ETV6: variants seen among roughly 807,000 people sequenced by gnomAD.
ETV6 encodes transcription factor ETV6.
A neutral mutation model predicts 51.1 loss-of-function variants in ETV6; 16 were observed. That is an observed-to-expected ratio of 0.31 (90% CI 0.21 to 0.48). The LOEUF (loss-of-function observed/expected upper bound fraction) is 0.48. Ranked by LOEUF, ETV6 falls within the 20% of genes least tolerant of loss-of-function variation. The pLI, the probability that ETV6 is intolerant of heterozygous loss-of-function variation, is 0.99. For synonymous variants in ETV6, 240 were observed against 224.1 expected, an observed-to-expected ratio of 1.07 and a Z score of -0.64; for missense variants, 458 against 594.8, an observed-to-expected ratio of 0.77 and a Z score of 2.39.
Position 11,650,481 on chromosome 12 carries a change from T to TAAAAAAAAAAAAAAAAAAAAAAAA in ETV6, c.33+335_33+336insAAAAAAAAAAAAAAAAAAAAAAAA, listed in dbSNP as rs367594605. The stretch of plus-strand genomic sequence containing the variant: ...AAAACACCCCCGTAATTAGTGCGCT[T>TAAAAAAAAAAAAAAAAAAAAAAAA]AAAAAAAAAAAAAACAAAAAACAAA... On this transcript the variant is annotated intron_variant, in intron 1 of 7. Coordinates refer to ENST00000396373, the MANE Select transcript of ETV6 (RefSeq NM_001987.5). Among the ~76,000 whole-genome samples, 7 of 43,328 alleles carry TAAAAAAAAAAAAAAAAAAAAAAAA rather than the reference T, an allele frequency of 1.6e-4. 2 individuals carry two copies. The highest frequency in any genetic ancestry group is 3.4e-4 in the Admixed American group (1 of 2,924). 28.4% of individuals were successfully genotyped at this position (43,328 alleles called of 152,430 possible).
chr12:11,706,977 C>T (rs1008718232), intron 1 of ETV6, among the ~76,000 whole-genome samples: 5 of 152,142 alleles, frequency 3.3e-5, no homozygotes, highest in African/African-American at 1.2e-4. Context: ...GGAAGACAAA[C>T]CTGTATTTTG....
chr12:11,784,848 C>T (rs949378305), intron 2 of ETV6, among the ~76,000 whole-genome samples: 1 of 148,400 alleles, frequency 6.7e-6, no homozygotes, highest in African/African-American at 2.6e-5. Flanking sequence ...AAGTGTGCAC[C>T]CCGTGCCTTG....
intron 2 of ETV6, among the ~76,000 whole-genome samples, chr12:11,819,431 T>G (rs1946043769): frequency 6.6e-6 from 1 of 152,232 alleles, no homozygotes; most frequent in South Asian, 2.1e-4. Flanking sequence ...CTCCAGCGGC[T>G]TCAACGATCA....
At chr12:11,663,974 T>A (rs1331364622) in intron 1 of ETV6, among the ~76,000 whole-genome samples, 1 of 152,248 alleles carries the variant, frequency 6.6e-6, no homozygotes, top group Non-Finnish European at 1.5e-5. Flanking sequence ...TTGATAACAC[T>A]CTTAAGTATT....
chr12:11,701,286 C>T (rs1217222878), intron 1 of ETV6, among the ~76,000 whole-genome samples: 1 of 152,110 alleles, frequency 6.6e-6, no homozygotes, highest in African/African-American at 2.4e-5. Context: ...GCTGGCATGC[C>T]CTTCTCCCCT....
At chr12:11,750,767 AT>A in intron 1 of ETV6, 3 of 437,166 alleles carry the variant, frequency 6.9e-6, no homozygotes, top group Non-Finnish European at 1.3e-5. Context: ...CTCTGAACAG[AT>A]TTTATGTTTC....
intron 5 of ETV6, among the ~76,000 whole-genome samples, chr12:11,872,362 T>C (rs1262839157): frequency 6.6e-6 from 1 of 152,196 alleles, no homozygotes; most frequent in Non-Finnish European, 1.5e-5. Context: ...TGACACTGCC[T>C]TCACCACTTC....
At chr12:11,857,692 G>A (rs530676512) in intron 4 of ETV6, among the ~76,000 whole-genome samples, 19 of 152,268 alleles carry the variant, frequency 1.2e-4, no homozygotes, top group African/African-American at 4.6e-4. Context: ...ACTGGGGTGA[G>A]TGTGTGTGAG....
At chr12:11,653,374 C>T (rs1348074047) in intron 1 of ETV6, among the ~76,000 whole-genome samples, 2 of 152,144 alleles carry the variant, frequency 1.3e-5, no homozygotes, top group African/African-American at 4.8e-5. Context: ...CAGGACTAAC[C>T]AGAATCCAAA....
chr12:11,704,026 T>C (rs1865029673), intron 1 of ETV6, among the ~76,000 whole-genome samples: 1 of 152,198 alleles, frequency 6.6e-6, no homozygotes, highest in African/African-American at 2.4e-5. Context: ...AGGTCATCCT[T>C]CTAGTTTTTA....
At chr12:11,727,411 G>A (rs1160379306) in intron 1 of ETV6, among the ~76,000 whole-genome samples, 1 of 152,202 alleles carries the variant, frequency 6.6e-6, no homozygotes, top group African/African-American at 2.4e-5. Flanking sequence ...AGCGTGCCTG[G>A]GAGCTTTCTG....
chr12:11,804,369 G>T (rs1042025150), intron 2 of ETV6, among the ~76,000 whole-genome samples: 3 of 152,186 alleles, frequency 2.0e-5, no homozygotes, highest in Admixed American at 1.3e-4. Flanking sequence ...AGTATGAACT[G>T]CCAGGCCCTG....
At chr12:11,720,647 C>T (rs1865365318) in intron 1 of ETV6, among the ~76,000 whole-genome samples, 1 of 152,068 alleles carries the variant, frequency 6.6e-6, no homozygotes, top group African/African-American at 2.4e-5. Flanking sequence ...CAGGAAAAAC[C>T]CCTCTTGACA....
chr12:11,827,432 C>G (rs1481766589), intron 2 of ETV6, among the ~76,000 whole-genome samples: 1 of 152,110 alleles, frequency 6.6e-6, no homozygotes, highest in African/African-American at 2.4e-5. Context: ...AAAAGCCATG[C>G]TTTGGAGGTG....
At chr12:11,821,424 A>G (rs1464240691) in intron 2 of ETV6, among the ~76,000 whole-genome samples, 2 of 152,210 alleles carry the variant, frequency 1.3e-5, no homozygotes, top group Non-Finnish European at 2.9e-5. Flanking sequence ...GGCCTTGGCC[A>G]CAGAAAGAAT....
At chr12:11,754,331 C>T (rs377013494) in intron 2 of ETV6, among the ~76,000 whole-genome samples, 2 of 152,182 alleles carry the variant, frequency 1.3e-5, no homozygotes, top group African/African-American at 4.8e-5. Flanking sequence ...AAGTATCAAA[C>T]ACTCATCACA....
At chr12:11,800,296 A>T (rs773882132) in intron 2 of ETV6, among the ~76,000 whole-genome samples, 2 of 152,228 alleles carry the variant, frequency 1.3e-5, no homozygotes, top group Non-Finnish European at 2.9e-5. Flanking sequence ...GGCAGATAAA[A>T]GTCATATGTT....
At chr12:11,816,570 T>C (rs1380828559) in intron 2 of ETV6, among the ~76,000 whole-genome samples, 2 of 152,154 alleles carry the variant, frequency 1.3e-5, no homozygotes, top group African/African-American at 4.8e-5. Context: ...AAAAGATCAT[T>C]GCCTCGTTCT....
intron 1 of ETV6, among the ~76,000 whole-genome samples, chr12:11,749,784 G>T (rs1865987707): frequency 6.6e-6 from 1 of 152,112 alleles, no homozygotes; most frequent in South Asian, 2.1e-4. Flanking sequence ...ATCCTTTTGG[G>T]GTCCCCAAGT....
Sources: allele counts gnomAD v4.1 joint callset (sites outside exome capture counted in the v4.1 genomes callset), GRCh38; gene constraint gnomAD v4.1.1; transcripts MANE v1.5; gene names NCBI Gene and HGNC (gene_info 2026-07-23, HGNC 2026-07-21).